RPUSD2: variants seen among roughly 807,000 people sequenced by gnomAD.
RPUSD2 encodes the protein RNA pseudouridine synthase domain containing 2.
A neutral mutation model predicts 41.5 loss-of-function variants in RPUSD2; 31 were observed. The observed-to-expected ratio is 0.75, with a 90% confidence interval of 0.56 to 1.01. The LOEUF (loss-of-function observed/expected upper bound fraction) is 1.01. Ranked by LOEUF, RPUSD2 falls within the 50% of genes least tolerant of loss-of-function variation. The probability of loss-of-function intolerance (pLI) is 0.00; values close to 1 mark genes in which losing one functional copy is unlikely to be tolerated. For missense variants in RPUSD2, 749 were observed against 724.7 expected, an observed-to-expected ratio of 1.03 and a Z score of -0.38; for synonymous variants, 305 against 289.7, an observed-to-expected ratio of 1.05 and a Z score of -0.54.
chr15:40,570,306 C>A (rs140371896), intron 1 of RPUSD2, among the ~76,000 whole-genome samples: 35 of 152,270 alleles, frequency 2.3e-4, no homozygotes, highest in African/African-American at 7.5e-4. Context: ...TAGGGGCTAT[C>A]ATTTATGTCT....
chr15:40,570,091 A>T (rs111360295), intron 1 of RPUSD2, 148 bp downstream of exon 1: 174 of 1,169,012 alleles, frequency 1.5e-4, no homozygotes, highest in Non-Finnish European at 1.9e-4. Context: ...CATTTGGAAC[A>T]CTATTTTAGC....
rs1329433838 is a variant in RPUSD2, at chr15:40,574,329, C to A, written c.*68C>A. The A allele has an allele frequency of 2.0e-6, 3 of 1,535,282 alleles. No individual in the cohort carries two copies. The East Asian group carries it at 6.8e-5, about 35-fold the overall frequency. ...GATGGGCTATAGGGCAAGGGCTGAC[C>A]CCATGGGCTAGTACTTGGGGTTTCT... is the stretch of plus-strand genomic sequence containing the variant. On this transcript the variant is annotated 3_prime_UTR_variant, in exon 3 of 3. Transcript: ENST00000315616.
At position 40,571,867 on chromosome 15, in the gene RPUSD2, TGA is replaced by T; in HGVS notation, c.875_876del (p.Arg292AsnfsTer25). ...TGTTTGCCAAGACAGCTGCAGTCTC[TGA>T]GAGAATTCACGAGCAGGTTCGGGAC... The part of the protein sequence containing the change: ...LMFAKTAAVS[E>X]RIHEQVRDRQ... On this transcript the variant is annotated frameshift_variant, in exon 2 of 3. Transcript: ENST00000315616. LOFTEE classifies it high-confidence loss of function. The T allele has an allele frequency of 6.2e-7, 1 of 1,614,068 alleles. No homozygotes were observed. The highest frequency in any genetic ancestry group is 8.5e-7 in the Non-Finnish European group (1 of 1,179,928).
Position 40,571,790 on chromosome 15 carries a change from A to G in RPUSD2, c.793A>G (p.Lys265Glu). 6.2e-7 allele frequency: 1 copy of G among 1,614,216 alleles called. No individual in the cohort carries two copies. Among genetic ancestry groups the G allele is most frequent in the East Asian group, 2.2e-5 (1 of 44,888 alleles). Reference sequence around the variant, plus strand: ...CATCCTAGGCAAGGAGCACCAACTCAAGGAGCTACACCCCTTGCATCGGCT... The same window carrying G: ...CATCCTAGGCAAGGAGCACCAACTCGAGGAGCTACACCCCTTGCATCGGCT... Reference protein sequence around the residue: ...IFILGKEHQLKELHPLHRLDR... With the variant: ...IFILGKEHQLEELHPLHRLDR... The change falls in exon 2 of 3, where the codon AAG (lysine) becomes GAG (glutamate). Residue 265 changes from lysine (K) to glutamate (E), a missense_variant. Lys to Glu is a moderately conservative substitution (Grantham distance 56, BLOSUM62 1). Coordinates refer to ENST00000315616, the MANE Select transcript of RPUSD2 (RefSeq NM_152260.3).
intron 2 of RPUSD2, among the ~76,000 whole-genome samples, chr15:40,572,260 T>G (rs1457869072): frequency 1.8e-5 from 2 of 114,270 alleles, no homozygotes; most frequent in Non-Finnish European, 3.7e-5. Flanking sequence ...AGACCCTATC[T>G]CTACAAAAAA....
At position 40,571,873 on chromosome 15, in the gene RPUSD2, A is replaced by G. The variant is rs774607740; in HGVS notation, c.876A>G (p.Arg292=). 8.7e-6 allele frequency: 14 copies of G among 1,613,952 alleles called. No individual in the cohort carries two copies. Among genetic ancestry groups the G allele is most frequent in the Non-Finnish European group, 1.2e-5 (14 of 1,179,848 alleles). ...CCAAGACAGCTGCAGTCTCTGAGAG[A>G]ATTCACGAGCAGGTTCGGGACCGGC... ...MFAKTAAVSE[R]IHEQVRDRQL... is the part of the protein sequence containing the mutation. Residue 292 remains arginine, a synonymous_variant, in exon 2 of 3, where the codon AGA becomes AGG. Coordinates refer to ENST00000315616, the MANE Select transcript of RPUSD2 (RefSeq NM_152260.3).
Position 40,573,563 on chromosome 15 carries a change from T to C in RPUSD2, c.940T>C (p.Phe314Leu). The stretch of plus-strand genomic sequence containing the variant: ...GTACGTGTGCCGGGTGGAAGGGGAG[T>C]TCCCCACTGAGGAAGTGACCTGTAA... ...KEYVCRVEGE[F>L]PTEEVTCKEP... Residue 314 changes from phenylalanine (F) to leucine (L), a missense_variant, in exon 3 of 3, where the codon TTC becomes CTC. By Grantham distance (22) the Phe-to-Leu change is conservative. Coordinates refer to ENST00000315616, the MANE Select transcript of RPUSD2 (RefSeq NM_152260.3). 6.2e-7 allele frequency: 1 copy of C among 1,614,008 alleles called. No homozygotes were observed. The highest frequency in any genetic ancestry group is 8.5e-7 in the Non-Finnish European group (1 of 1,179,918).
intron 2 of RPUSD2, among the ~76,000 whole-genome samples, chr15:40,572,109 CCT>C (rs2141674050): frequency 6.6e-6 from 1 of 152,286 alleles, no homozygotes; most frequent in South Asian, 2.1e-4. Context: ...GCATACACTG[CCT>C]CTCTTAGTAG....
rs745897796 is a variant in RPUSD2 at position 40,573,593 on chromosome 15, C to T, written c.970C>T (p.Pro324Ser). 21 of 1,614,058 alleles carry T rather than the reference C, an allele frequency of 1.3e-5. No homozygotes were observed. The South Asian group carries it at 2.1e-4, about 16-fold the overall frequency. The change falls in exon 3 of 3, where the codon CCC (proline) becomes TCC (serine). Residue 324 changes from proline (P) to serine (S), a missense_variant. Pro to Ser is a moderately conservative substitution (Grantham distance 74). Coordinates refer to ENST00000315616, the MANE Select transcript of RPUSD2 (RefSeq NM_152260.3). ...FPTEEVTCKE[P>S]ILVVSYKVGV... The stretch of plus-strand genomic sequence containing the variant: ...CACTGAGGAAGTGACCTGTAAAGAA[C>T]CCATCTTAGTGGTGTCTTACAAAGT...
chr15:40,571,751 A>G lies in RPUSD2; in HGVS notation c.754A>G (p.Asn252Asp). Residue 252 changes from asparagine to aspartate, a missense_variant, in exon 2 of 3, where the codon AAC (asparagine) becomes GAC (aspartate). Asn to Asp is a conservative substitution (Grantham distance 23). Transcript: ENST00000315616. ...PVHPCGRFRH[N>D]TVIFILGKEH... ...TCACCCCTGTGGCCGCTTCCGACAC[A>G]ACACAGTTATCTTCATCCTAGGCAA... 2 of 1,614,252 alleles carry G rather than the reference A, an allele frequency of 1.2e-6. No homozygotes were observed. The highest frequency in any genetic ancestry group is 1.7e-6 in the Non-Finnish European group (2 of 1,180,044).
At position 40,569,960 on chromosome 15, in the gene RPUSD2, G is replaced by T; in HGVS notation, c.606+17G>T. The T allele has an allele frequency of 6.6e-7, 1 of 1,512,318 alleles. No homozygotes were observed. Among genetic ancestry groups the T allele is most frequent in the Non-Finnish European group, 8.8e-7 (1 of 1,133,846 alleles). The allele number at this position is 1,512,318 out of a possible 1,614,324, so 93.7% of individuals were successfully genotyped here. The stretch of plus-strand genomic sequence containing the variant: ...GTGCTCAAGGTGGAGTCCTGATGGG[G>T]CTGGCCAGAAGCGGGCGAGGAAAAG... On this transcript the variant is annotated intron_variant, in intron 1 of 2. Coordinates refer to ENST00000315616, the MANE Select transcript of RPUSD2 (RefSeq NM_152260.3).
rs768763549 is a variant in RPUSD2, at chr15:40,571,842, T to A, written c.845T>A (p.Met282Lys). ...RLDRLTSGVL[M>K]FAKTAAVSER... ...GACCGCCTTACCTCAGGGGTGCTTATGTTTGCCAAGACAGCTGCAGTCTCT... is the reference window on the plus strand; with the variant it reads ...GACCGCCTTACCTCAGGGGTGCTTAAGTTTGCCAAGACAGCTGCAGTCTCT... Residue 282 changes from methionine to lysine, a missense_variant, in exon 2 of 3, where the codon ATG becomes AAG. Transcript: ENST00000315616. 5 of 1,614,232 alleles carry A rather than the reference T, an allele frequency of 3.1e-6. No homozygotes were observed. Among genetic ancestry groups the A allele is most frequent in the Non-Finnish European group, 4.2e-6 (5 of 1,180,036 alleles).
intron 2 of RPUSD2, among the ~76,000 whole-genome samples, chr15:40,572,179 G>A (rs1415773181): frequency 3.3e-5 from 5 of 151,402 alleles, no homozygotes; most frequent in Admixed American, 6.6e-5. Context: ...TGTAATCCCA[G>A]CATTTTGGGA....
At chr15:40,570,117 G>C (rs1392370438) in intron 1 of RPUSD2, 174 bp downstream of exon 1, 1 of 865,042 alleles carries the variant, frequency 1.2e-6, no homozygotes, top group Non-Finnish European at 1.7e-6. Context: ...TCCCACCTCC[G>C]CAAGTGGCCA....
Position 40,573,857 on chromosome 15 carries a change from C to G in RPUSD2, c.1234C>G (p.Leu412Val). Residue 412 changes from leucine (L) to valine (V), a missense_variant, in exon 3 of 3, where the codon CTA becomes GTA. Transcript: ENST00000315616. Reference protein sequence around the residue: ...GYIPKTNEELLRDLVAEHQAK... With the variant: ...GYIPKTNEELVRDLVAEHQAK... The stretch of plus-strand genomic sequence containing the variant: ...CATTCCCAAGACAAACGAGGAGTTG[C>G]TACGGGACCTGGTAGCAGAGCACCA... 2 of 1,614,156 alleles carry G rather than the reference C, an allele frequency of 1.2e-6. No homozygotes were observed. The highest frequency in any genetic ancestry group is 8.5e-7 in the Non-Finnish European group (1 of 1,180,006).
rs1264492971 is a variant in RPUSD2, at chr15:40,571,629, T to C, written c.632T>C (p.Val211Ala). The change falls in exon 2 of 3, where the codon GTG (valine) becomes GCG (alanine). Residue 211 changes from valine to alanine, a missense_variant. Val to Ala is a moderately conservative substitution (Grantham distance 64). Coordinates refer to ENST00000315616, the MANE Select transcript of RPUSD2 (RefSeq NM_152260.3). The part of the protein sequence containing the change: ...LKDNDFLRNT[V>A]HRHEPPVTAE... ...GACAATGATTTCTTGCGGAACACAG[T>C]GCACAGGCATGAGCCACCAGTCACA... 3.1e-6 allele frequency: 5 copies of C among 1,614,100 alleles called. No homozygotes were observed. The highest frequency in any genetic ancestry group is 1.3e-5 in the African/African-American group (1 of 74,938).
rs1213381067 is a variant in RPUSD2 at position 40,573,737 on chromosome 15, A to C, written c.1114A>C (p.Ile372Leu). ...CRPLTGRTHQ[I>L]RVHLQFLGHP... ...GCCACTCACAGGCCGCACACACCAG[A>C]TTCGAGTCCACCTTCAGTTCTTGGG... The change falls in exon 3 of 3, where the codon ATT becomes CTT. Residue 372 changes from isoleucine (I) to leucine (L), a missense_variant. Physicochemically the swap from Ile to Leu is conservative, Grantham distance 5 (BLOSUM62 2). Coordinates refer to ENST00000315616, the MANE Select transcript of RPUSD2 (RefSeq NM_152260.3). The C allele has an allele frequency of 1.8e-5, 29 of 1,614,132 alleles. No homozygotes were observed. The highest frequency in any genetic ancestry group is 2.5e-5 in the Non-Finnish European group (29 of 1,180,042).
In RPUSD2 at chr15:40,569,815, C is replaced by G; in HGVS notation, c.478C>G (p.His160Asp). Residue 160 changes from histidine to aspartate, a missense_variant, in exon 1 of 3, where the codon CAC becomes GAC. Coordinates refer to ENST00000315616, the MANE Select transcript of RPUSD2 (RefSeq NM_152260.3). ...CTACTGCAAAGGTCGCTGGGTGGGC[C>G]ACAGCTTGCTGCACGTCTTCAGTAC... ...RTYCKGRWVG[H>D]SLLHVFSTEF... 6.2e-7 allele frequency: 1 copy of G among 1,613,468 alleles called. No homozygotes were observed. The highest frequency in any genetic ancestry group is 8.5e-7 in the Non-Finnish European group (1 of 1,179,826).
At chr15:40,570,132 G>T in intron 1 of RPUSD2, 189 bp downstream of exon 1, 1 of 737,948 alleles carries the variant, frequency 1.4e-6, no homozygotes, top group African/African-American at 1.8e-5. Context: ...TGGCCAGGGT[G>T]TCTGTGCTTC....
Sources: allele counts gnomAD v4.1 joint callset (sites outside exome capture counted in the v4.1 genomes callset), GRCh38; gene constraint gnomAD v4.1.1; transcripts MANE v1.5; gene names NCBI Gene and HGNC (gene_info 2026-07-23, HGNC 2026-07-21).